The following GPC3 variants were observed in gnomAD, a reference collection of about 807,000 sequenced individuals.
The protein encoded by GPC3 is glypican-3.
GPC3 carries 3 observed loss-of-function variants against 34.4 expected under a neutral mutation model. The observed-to-expected ratio is 0.09, with a 90% CI of 0.04 to 0.23. The LOEUF (loss-of-function observed/expected upper bound fraction) is 0.23. GPC3 is among the 10% of genes least tolerant of loss of function. The pLI is 1.00. For synonymous variants in GPC3, 177 were observed against 174.0 expected (o/e 1.02, Z -0.13); for missense variants, 351 against 445.6 (o/e 0.79, Z 1.91).
At chrX:133,846,075 G>A (rs2075845982) in intron 2 of GPC3, among the ~76,000 whole-genome samples, 1 of 112,024 alleles carries the variant, frequency 8.9e-6, no homozygotes, top group Non-Finnish European at 1.9e-5. Flanking sequence ...CATAGCTAGA[G>A]TGAAATGAAC....
intron 7 of GPC3, among the ~76,000 whole-genome samples, chrX:133,549,953 CCT>C (rs893865692): frequency 3.8e-5 from 4 of 106,478 alleles, no homozygotes; most frequent in Admixed American, 1.0e-4. Context: ...CTTCCTCCCC[CCT>C]CTGTCTTTCT....
intron 3 of GPC3, among the ~76,000 whole-genome samples, chrX:133,703,013 G>C (rs1344765855): frequency 8.9e-6 from 1 of 112,283 alleles, no homozygotes; most frequent in Non-Finnish European, 1.9e-5. Context: ...CTTACAAAGA[G>C]ATGCAGCATT....
chrX:133,636,810 G>A (rs1023862856), intron 6 of GPC3, among the ~76,000 whole-genome samples: 12 of 111,289 alleles, frequency 1.1e-4, no homozygotes, highest in Non-Finnish European at 1.9e-4. Context: ...GGTAGGGGAG[G>A]GTGATTTGCA....
chrX:133,784,357 C>T (rs899660275), intron 2 of GPC3, among the ~76,000 whole-genome samples: 3 of 111,895 alleles, frequency 2.7e-5, no homozygotes, highest in Non-Finnish European at 5.6e-5. Flanking sequence ...CCAGCCTTTA[C>T]CTGAGTATCA....
chrX:133,831,679 G>A (rs2075775818), intron 2 of GPC3, among the ~76,000 whole-genome samples: 1 of 111,992 alleles, frequency 8.9e-6, no homozygotes, highest in African/African-American at 3.3e-5. Flanking sequence ...GCGATGAGCT[G>A]AGATCGTGCC....
chrX:133,935,624 T>A (rs2076320105), intron 2 of GPC3, among the ~76,000 whole-genome samples: 1 of 111,589 alleles, frequency 9.0e-6, no homozygotes, highest in African/African-American at 3.3e-5. Flanking sequence ...GTGCTCACGT[T>A]ATATTTGAAA....
intron 3 of GPC3, among the ~76,000 whole-genome samples, chrX:133,714,276 T>C (rs1320973231): frequency 8.9e-6 from 1 of 111,867 alleles, no homozygotes; most frequent in Admixed American, 9.5e-5. Flanking sequence ...AGGAAAAAAT[T>C]AAAGAGATTT....
chrX:133,972,987 G>T (rs758584644), intron 1 of GPC3, among the ~76,000 whole-genome samples: 3 of 111,276 alleles, frequency 2.7e-5, no homozygotes, highest in Admixed American at 9.6e-5. Flanking sequence ...AAAGAGCAAA[G>T]ATAATGAAGT....
chrX:133,625,116 C>T (rs973794508), intron 6 of GPC3, among the ~76,000 whole-genome samples: 22 of 111,677 alleles, frequency 2.0e-4, no homozygotes, highest in African/African-American at 4.6e-4. Context: ...AATTCAACAA[C>T]GCTTCATGCT....
chrX:133,791,525 T>C (rs2072159797), intron 2 of GPC3, among the ~76,000 whole-genome samples: 1 of 111,732 alleles, frequency 8.9e-6, no homozygotes, highest in Admixed American at 9.5e-5. Context: ...AATTATCTTT[T>C]TCTGTTATCT....
At chrX:133,923,571 C>G (rs1218214214) in intron 2 of GPC3, among the ~76,000 whole-genome samples, 1 of 111,619 alleles carries the variant, frequency 9.0e-6, no homozygotes, top group African/African-American at 3.3e-5. Context: ...GAGAATCTAA[C>G]ACAGAAAGAG....
chrX:133,907,671 T>C (rs967357392), intron 2 of GPC3, among the ~76,000 whole-genome samples: 3 of 111,488 alleles, frequency 2.7e-5, no homozygotes, highest in Non-Finnish European at 5.6e-5. Context: ...TATATAACCA[T>C]TCACTCCTCT....
At chrX:133,661,950 C>G in intron 5 of GPC3, 100 bp from the exon 6 acceptor site, 3 of 971,894 alleles carry the variant, frequency 3.1e-6, no homozygotes, top group Non-Finnish European at 4.4e-6. Context: ...ACCACAAGCT[C>G]ATGAGACGAC....
intron 2 of GPC3, among the ~76,000 whole-genome samples, chrX:133,905,735 C>T (rs2076165165): frequency 1.8e-5 from 2 of 110,654 alleles, no homozygotes; most frequent in African/African-American, 3.3e-5. Flanking sequence ...AGGATTTGAC[C>T]AGTTCTGAAG....
chrX:133,570,798 G>A (rs1215833288), intron 7 of GPC3, among the ~76,000 whole-genome samples: 1 of 111,106 alleles, frequency 9.0e-6, no homozygotes, highest in Non-Finnish European at 1.9e-5. Flanking sequence ...GTTGGTTCTT[G>A]GCCATCTTTA....
chrX:133,661,575 TCTC>T (rs1569408597), intron 6 of GPC3, among the ~76,000 whole-genome samples, 152 bp downstream of exon 6: 2 of 6,789 alleles, frequency 2.9e-4, no homozygotes, highest in African/African-American at 1.2e-3. Context: ...TCTTTCTCTC[TCTC>T]TCTCTCTCTC....
intron 6 of GPC3, among the ~76,000 whole-genome samples, chrX:133,629,231 A>G (rs1041577132): frequency 8.0e-5 from 9 of 111,948 alleles, no homozygotes; most frequent in Non-Finnish European, 1.1e-4. Flanking sequence ...TAGAAAGAGC[A>G]CTAGACAAGC....
chrX:133,724,355 C>A (rs890667671), intron 3 of GPC3, among the ~76,000 whole-genome samples: 1 of 112,155 alleles, frequency 8.9e-6, no homozygotes, highest in East Asian at 2.8e-4. Context: ...GAGAAACAGA[C>A]CTGACCAAGT....
intron 2 of GPC3, among the ~76,000 whole-genome samples, chrX:133,770,960 G>A (rs930075108): frequency 3.6e-5 from 4 of 111,692 alleles, no homozygotes; most frequent in Admixed American, 9.5e-5. Flanking sequence ...GGGGGAAGGA[G>A]TGAATCAGAG....
Sources: allele counts gnomAD v4.1 joint callset (sites outside exome capture counted in the v4.1 genomes callset), GRCh38; gene constraint gnomAD v4.1.1; transcripts MANE v1.5; gene names NCBI Gene and HGNC (gene_info 2026-07-23, HGNC 2026-07-21).